RSBN1L: variants seen among roughly 807,000 people sequenced by gnomAD.
RSBN1L encodes round spermatid basic protein 1 like.
Under a neutral mutation model 67.7 loss-of-function variants are expected in RSBN1L, and 30 were observed. The ratio of observed to expected loss-of-function variants is 0.44; its 90% CI spans 0.33 to 0.60. The LOEUF (loss-of-function observed/expected upper bound fraction) is 0.60. Among genes scored for constraint, RSBN1L ranks in the 20% least tolerant of loss-of-function variants. RSBN1L has a pLI of 0.02. For synonymous variants in RSBN1L, 433 were observed against 387.0 expected, an observed-to-expected ratio of 1.12 and a Z score of -1.39; for missense variants, 992 against 1,031.7, an observed-to-expected ratio of 0.96 and a Z score of 0.53.
At chr7:77,759,952 T>A (rs925829222) in intron 3 of RSBN1L, among the ~76,000 whole-genome samples, 1 of 152,236 alleles carries the variant, frequency 6.6e-6, no homozygotes, top group Non-Finnish European at 1.5e-5. Context: ...TGTAGAGCTC[T>A]CTCTTCAGGG....
At chr7:77,717,450 A>C (rs2150415130) in intron 1 of RSBN1L, among the ~76,000 whole-genome samples, 1 of 152,354 alleles carries the variant, frequency 6.6e-6, no homozygotes. Flanking sequence ...GAAGCTATAC[A>C]ATTGTAATCA....
intron 1 of RSBN1L, among the ~76,000 whole-genome samples, chr7:77,720,604 A>T (rs1209652419): frequency 6.6e-6 from 1 of 152,100 alleles, no homozygotes; most frequent in Non-Finnish European, 1.5e-5. Context: ...TACAGATGAG[A>T]TTACTGAGGC....
intron 5 of RSBN1L, among the ~76,000 whole-genome samples, chr7:77,769,432 G>C (rs143818236): frequency 6.6e-6 from 1 of 152,154 alleles, no homozygotes; most frequent in Non-Finnish European, 1.5e-5. Flanking sequence ...AATAATGCTG[G>C]CATATTTGGC....
intron 2 of RSBN1L, 97 bp downstream of exon 2, chr7:77,736,623 A>G: frequency 1.6e-6 from 1 of 626,886 alleles, no homozygotes; most frequent in Non-Finnish European, 2.5e-6. Context: ...TTGGTGCTGA[A>G]TTTTGCGGAG....
At chr7:77,727,387 C>T (rs1016054171) in intron 1 of RSBN1L, among the ~76,000 whole-genome samples, 2 of 152,178 alleles carry the variant, frequency 1.3e-5, no homozygotes, top group Non-Finnish European at 2.9e-5. Flanking sequence ...ACGCCCAGCC[C>T]CCCATCTGCT....
chr7:77,760,431 T>C (rs1791684459), intron 3 of RSBN1L, among the ~76,000 whole-genome samples: 1 of 152,018 alleles, frequency 6.6e-6, no homozygotes, highest in Non-Finnish European at 1.5e-5. Flanking sequence ...GGGGAGGAGA[T>C]TTAGATTAAA....
chr7:77,749,312 A>C, intron 2 of RSBN1L, 112 bp from the exon 3 acceptor site: 1 of 798,800 alleles, frequency 1.3e-6, no homozygotes, highest in South Asian at 2.1e-5. Context: ...CTAAATATAT[A>C]ATTCTGAGTA....
At chr7:77,705,510 G>GTTTTTTTTTTTTT (rs56187940) in intron 1 of RSBN1L, among the ~76,000 whole-genome samples, 5 of 111,480 alleles carry the variant, frequency 4.5e-5, no homozygotes, top group African/African-American at 1.1e-4. Flanking sequence ...CATTGTAATG[G>GTTTTTTTTTTTTT]TTTTTTTTTT....
chr7:77,746,109 T>C (rs1301116145), intron 2 of RSBN1L, among the ~76,000 whole-genome samples: 3 of 152,128 alleles, frequency 2.0e-5, no homozygotes, highest in South Asian at 2.1e-4. Flanking sequence ...TGCCCTGGGA[T>C]TGGGGATGCC....
chr7:77,722,653 A>G (rs1791134918), intron 1 of RSBN1L, among the ~76,000 whole-genome samples: 1 of 151,844 alleles, frequency 6.6e-6, no homozygotes, highest in Non-Finnish European at 1.5e-5. Context: ...TCATTTTGTA[A>G]TGTAACTGCT....
intron 1 of RSBN1L, among the ~76,000 whole-genome samples, chr7:77,710,856 A>G (rs1005548306): frequency 2.0e-5 from 3 of 152,056 alleles, no homozygotes; most frequent in African/African-American, 7.2e-5. Flanking sequence ...TCAGCCTCCC[A>G]AAGTGCTATA....
At chr7:77,734,922 A>G (rs1174683728) in intron 1 of RSBN1L, among the ~76,000 whole-genome samples, 2 of 152,170 alleles carry the variant, frequency 1.3e-5, no homozygotes, top group Non-Finnish European at 2.9e-5. Flanking sequence ...GTTATATGTG[A>G]ACAGATAAGG....
At chr7:77,706,433 A>G (rs28419568) in intron 1 of RSBN1L, among the ~76,000 whole-genome samples, 27,383 of 151,410 alleles carry the variant, frequency 0.18, 2,984 homozygotes, top group African/African-American at 0.31. Flanking sequence ...TGGTCTCCCA[A>G]CTCCTGACCT....
intron 2 of RSBN1L, among the ~76,000 whole-genome samples, chr7:77,736,985 G>T (rs1323860082): frequency 6.6e-6 from 1 of 151,860 alleles, no homozygotes; most frequent in Non-Finnish European, 1.5e-5. Flanking sequence ...ATCAGAAGCG[G>T]TATGTTTCTT....
chr7:77,762,263 TA>T (rs954330661), intron 3 of RSBN1L, among the ~76,000 whole-genome samples: 1 of 152,096 alleles, frequency 6.6e-6, no homozygotes, highest in African/African-American at 2.4e-5. Context: ...TCAGGGTCTC[TA>T]AAAAATCCTT....
intron 6 of RSBN1L, among the ~76,000 whole-genome samples, chr7:77,776,304 A>G (rs4391357): frequency 0.12 from 17,618 of 152,132 alleles, 1,536 homozygotes; most frequent in African/African-American, 0.24. Context: ...TCACCCATTT[A>G]AAGTGTACAG....
intron 3 of RSBN1L, among the ~76,000 whole-genome samples, chr7:77,750,652 C>T (rs1406121232): frequency 6.6e-6 from 1 of 152,172 alleles, no homozygotes; most frequent in Non-Finnish European, 1.5e-5. Flanking sequence ...GGGTCTTGAA[C>T]ATCAGTGTGG....
intron 4 of RSBN1L, among the ~76,000 whole-genome samples, chr7:77,768,040 G>C (rs915763337): frequency 6.6e-6 from 1 of 150,546 alleles, no homozygotes; most frequent in Non-Finnish European, 1.5e-5. Flanking sequence ...GTAGAGACGG[G>C]GTTTCACCGT....
At chr7:77,755,800 A>G (rs1791610384) in intron 3 of RSBN1L, among the ~76,000 whole-genome samples, 1 of 152,198 alleles carries the variant, frequency 6.6e-6, no homozygotes, top group East Asian at 1.9e-4. Context: ...TAAACCCGTA[A>G]TAAAGTCAAA....
Sources: gnomAD v4.1 joint callset for allele counts (sites outside exome capture counted in the v4.1 genomes callset) on GRCh38, gnomAD v4.1.1 for gene constraint, MANE v1.5 for transcripts, NCBI Gene and HGNC (gene_info 2026-07-23, HGNC 2026-07-21) for gene names.